RPS6KC1: variants seen among roughly 807,000 people sequenced by gnomAD.
RPS6KC1 encodes ribosomal protein S6 kinase C1.
Under a neutral mutation model 103.8 loss-of-function variants are expected in RPS6KC1, and 54 were observed. The observed-to-expected ratio is 0.52, with a 90% confidence interval of 0.42 to 0.65. RPS6KC1 has a LOEUF of 0.65. RPS6KC1 is among the 30% of genes least tolerant of loss of function. The probability of loss-of-function intolerance (pLI) is 0.00; values close to 1 mark genes in which losing one functional copy is unlikely to be tolerated. For synonymous variants in RPS6KC1, 439 were observed against 438.7 expected, an observed-to-expected ratio of 1.00 and a Z score of -0.01; for missense variants, 1,151 against 1,253.8, an observed-to-expected ratio of 0.92 and a Z score of 1.24.
the RPS6KC1 span, among the ~76,000 whole-genome samples, chr1:213,833,800 C>T: frequency 6.6e-6 from 1 of 152,134 alleles, no homozygotes; most frequent in Admixed American, 6.5e-5. Flanking sequence ...GTCTCAGCTA[C>T]TAGAGGTGGG....
chr1:213,566,087 G>C, the RPS6KC1 span, among the ~76,000 whole-genome samples: 1 of 152,160 alleles, frequency 6.6e-6, no homozygotes, highest in South Asian at 2.1e-4. Context: ...GATGAATGCA[G>C]AGATGGATAG....
the RPS6KC1 span, among the ~76,000 whole-genome samples, chr1:213,657,746 G>T: frequency 6.6e-6 from 1 of 152,194 alleles, no homozygotes; most frequent in Admixed American, 6.5e-5. Context: ...AGTGGTTGGT[G>T]CTATTTTTTG....
At chr1:213,098,600 G>GT (rs1297233105) in intron 3 of RPS6KC1, among the ~76,000 whole-genome samples, 3 of 152,108 alleles carry the variant, frequency 2.0e-5, no homozygotes, top group Non-Finnish European at 4.4e-5. Flanking sequence ...CAGCTGGTTG[G>GT]TGGAGCAGTC....
At chr1:213,619,040 A>G in the RPS6KC1 span, among the ~76,000 whole-genome samples, 1 of 152,264 alleles carries the variant, frequency 6.6e-6, no homozygotes, top group African/African-American at 2.4e-5. Flanking sequence ...CACTAGTCAC[A>G]GAAAGCTTGA....
chr1:213,486,810 C>T, the RPS6KC1 span, among the ~76,000 whole-genome samples: 1 of 152,176 alleles, frequency 6.6e-6, no homozygotes, highest in Admixed American at 6.5e-5. Flanking sequence ...ACGGGCCCAG[C>T]TTACAAAGCG....
chr1:213,071,800 A>G (rs1428870921), intron 2 of RPS6KC1, among the ~76,000 whole-genome samples: 1 of 150,244 alleles, frequency 6.7e-6, no homozygotes, highest in Non-Finnish European at 1.5e-5. Flanking sequence ...CTTTAGGCAT[A>G]GATATTTCTT....
chr1:213,219,995 C>CT (rs113735235), intron 8 of RPS6KC1, among the ~76,000 whole-genome samples: 5 of 151,704 alleles, frequency 3.3e-5, no homozygotes, highest in East Asian at 1.9e-4. Flanking sequence ...TACCCTAAAA[C>CT]TTTAAGTATA....
the RPS6KC1 span, among the ~76,000 whole-genome samples, chr1:213,390,562 G>A: frequency 9.8e-5 from 15 of 152,300 alleles, no homozygotes; most frequent in African/African-American, 3.4e-4. Flanking sequence ...ACTCTGGTGG[G>A]ACATTTCTCT....
chr1:213,484,775 C>T, the RPS6KC1 span, among the ~76,000 whole-genome samples: 1 of 152,186 alleles, frequency 6.6e-6, no homozygotes, highest in African/African-American at 2.4e-5. Flanking sequence ...TTGCAAATAG[C>T]TTTTCTTGGG....
At chr1:213,314,673 C>G in the RPS6KC1 span, among the ~76,000 whole-genome samples, 1 of 145,350 alleles carries the variant, frequency 6.9e-6, no homozygotes, top group Non-Finnish European at 1.5e-5. Context: ...TTTTTTTTTC[C>G]TTCTGGGTTT....
rs946115172 is a variant in RPS6KC1 at position 213,130,039 on chromosome 1, T to C, written c.835+150T>C. ...CTTAAAAGACCTATATATGGATATA[T>C]ACTTTAAGTTCCTTGAGATGTTAGA... On this transcript the variant is annotated intron_variant, in intron 6 of 14. Transcript: ENST00000366960. 5.8e-6 allele frequency: 4 copies of C among 689,160 alleles called. No homozygotes were observed. In the East Asian group the frequency reaches 8.7e-5, roughly 15 times the overall value. The allele number at this position is 689,160 out of a possible 1,614,324, so 42.7% of individuals were successfully genotyped here.
the RPS6KC1 span, among the ~76,000 whole-genome samples, chr1:213,694,456 TA>T: frequency 6.6e-6 from 1 of 152,192 alleles, no homozygotes; most frequent in Non-Finnish European, 1.5e-5. Flanking sequence ...CTCCTAAAAC[TA>T]CAGTTCCTGT....
chr1:213,551,527 A>G, the RPS6KC1 span, among the ~76,000 whole-genome samples: 1 of 152,210 alleles, frequency 6.6e-6, no homozygotes, highest in Non-Finnish European at 1.5e-5. Context: ...TCTTAAGTAC[A>G]GTACATGTAT....
chr1:213,100,903 T>C (rs1012058781), intron 3 of RPS6KC1, among the ~76,000 whole-genome samples: 4 of 152,144 alleles, frequency 2.6e-5, no homozygotes, highest in African/African-American at 9.7e-5. Flanking sequence ...CATGAGAGTG[T>C]AGGTGTCTTT....
intron 10 of RPS6KC1, among the ~76,000 whole-genome samples, chr1:213,238,452 A>G (rs1174217367): frequency 6.6e-6 from 1 of 152,162 alleles, no homozygotes; most frequent in Non-Finnish European, 1.5e-5. Context: ...GAGTTGGTAT[A>G]TGATTCAGTA....
chr1:213,282,870 T>C, the RPS6KC1 span, among the ~76,000 whole-genome samples: 3 of 152,360 alleles, frequency 2.0e-5, no homozygotes, highest in South Asian at 6.2e-4. Context: ...AGATTACATA[T>C]GCTTTCATTA....
intron 6 of RPS6KC1, among the ~76,000 whole-genome samples, chr1:213,144,360 C>T (rs893916581): frequency 1.3e-5 from 2 of 152,072 alleles, no homozygotes; most frequent in African/African-American, 4.8e-5. Flanking sequence ...ACTGCAGCAT[C>T]AAACTCCTGA....
the RPS6KC1 span, among the ~76,000 whole-genome samples, chr1:213,618,519 T>C: frequency 6.6e-6 from 1 of 152,224 alleles, no homozygotes; most frequent in Non-Finnish European, 1.5e-5. Context: ...TTTAGGATAC[T>C]GTGGGTGCAG....
At chr1:213,794,529 A>G in the RPS6KC1 span, 1 of 152,200 alleles carries the variant, frequency 6.6e-6, no homozygotes, top group African/African-American at 2.4e-5. Context: ...AAGGGAAAAA[A>G]TAAATTTTCC....
Sources: gnomAD v4.1 joint callset for allele counts (sites outside exome capture counted in the v4.1 genomes callset) on GRCh38, gnomAD v4.1.1 for gene constraint, MANE v1.5 for transcripts, NCBI Gene and HGNC (gene_info 2026-07-23, HGNC 2026-07-21) for gene names.